Variants in LRRC27 observed in about 807,000 individuals in gnomAD.
LRRC27 encodes leucine-rich repeat-containing protein 27.
Under a neutral mutation model 55.0 loss-of-function variants are expected in LRRC27, and 57 were observed. That is an observed-to-expected ratio of 1.04 (90% CI 0.84 to 1.29). The LOEUF is 1.29. Ranked by LOEUF, LRRC27 falls within the 50% of genes most tolerant of loss-of-function variation. LRRC27 has a pLI of 0.00. For missense variants in LRRC27, 721 were observed against 651.5 expected (o/e 1.11, Z -1.16); for synonymous variants, 278 against 251.9 (o/e 1.10, Z -0.98).
intron 10 of LRRC27, among the ~76,000 whole-genome samples, chr10:132,369,362 C>T (rs533343398): frequency 4.6e-5 from 7 of 152,234 alleles, no homozygotes; most frequent in African/African-American, 1.7e-4. Context: ...TTGGAAGCAC[C>T]CAAGGTGTCC....
intron 4 of LRRC27, among the ~76,000 whole-genome samples, chr10:132,344,173 G>A (rs2067559796): frequency 6.6e-6 from 1 of 152,108 alleles, no homozygotes; most frequent in Admixed American, 6.5e-5. Flanking sequence ...ATGTCTGGTA[G>A]TTTTTATGTG....
rs151044969 is a variant in LRRC27, at chr10:132,338,898, C to T, written c.341+1203C>T. 5.6e-3 allele frequency among the ~76,000 whole-genome samples: 850 copies of T among 152,040 alleles called. 9 individuals carry two copies. The highest frequency in any genetic ancestry group is 0.014 in the Middle Eastern group (4 of 294). ...CTAATTTTTGCATTTTTAGTAGAAA[C>T]GGGGTTTTGCCATGTTGGACAGGCT... is the stretch of plus-strand genomic sequence containing the variant. On this transcript the variant is annotated intron_variant, in intron 3 of 10. Coordinates refer to ENST00000368614, the MANE Select transcript of LRRC27 (RefSeq NM_030626.3).
In LRRC27 at chr10:132,372,171, AAACC is replaced by A. The variant is rs1316521115; in HGVS notation, c.1417-2889_1417-2886del. On this transcript the variant is annotated intron_variant, in intron 10 of 10. Coordinates refer to ENST00000368614, the MANE Select transcript of LRRC27 (RefSeq NM_030626.3). This position sits in a 1 kb window ranked among gnomAD's most constrained non-coding sequence, Gnocchi z 4.0. ...CCCAGTTGAAAAGCACAGGAAGACAAAACCAACCACAGAAGGATGGGAAGTGGGG... is the reference window on the plus strand; with the variant it reads ...CCCAGTTGAAAAGCACAGGAAGACAAAACCACAGAAGGATGGGAAGTGGGG... Among the ~76,000 whole-genome samples, 4 of 145,916 alleles carry A rather than the reference AAACC, an allele frequency of 2.7e-5. No individual in the cohort carries two copies. The highest frequency in any genetic ancestry group is 7.8e-5 in the African/African-American group (3 of 38,420).
At chr10:132,340,674 T>G (rs1360776044) in intron 3 of LRRC27, among the ~76,000 whole-genome samples, 2 of 152,064 alleles carry the variant, frequency 1.3e-5, no homozygotes, top group Non-Finnish European at 2.9e-5. Flanking sequence ...CCTTAAAAAC[T>G]TCAAATAATG....
At chr10:132,331,739 C>T, upstream of LRRC27, 1 of 1,612,112 alleles carries the variant, frequency 6.2e-7, no homozygotes, top group Non-Finnish European at 8.5e-7. Context: ...CTTAGCATCC[C>T]GCTCTCTTCC....
rs907342428 is a variant in LRRC27, at chr10:132,372,197, G to A, written c.1417-2869G>A. Among the ~76,000 whole-genome samples, 6 of 151,412 alleles carry A rather than the reference G, an allele frequency of 4.0e-5. No individual in the cohort carries two copies. Among genetic ancestry groups the A allele is most frequent in the Admixed American group, 3.3e-4 (5 of 15,234 alleles). ...AACCAACCACAGAAGGATGGGAAGT[G>A]GGGGTCGGGGTGCGGTGGCTCACGC... On this transcript the variant is annotated intron_variant, in intron 10 of 10. Coordinates refer to ENST00000368614, the MANE Select transcript of LRRC27 (RefSeq NM_030626.3). The surrounding 1 kb of genome is among the most constrained non-coding windows in gnomAD (Gnocchi z 4.0).
intron 1 of LRRC27, among the ~76,000 whole-genome samples, 153 bp from the exon 2 acceptor site, chr10:132,333,324 T>G (rs1187363909): frequency 6.6e-6 from 1 of 152,136 alleles, no homozygotes; most frequent in African/African-American, 2.4e-5. Flanking sequence ...CTTTTTTTTT[T>G]TTTTACATGT....
chr10:132,346,357 A>C (rs1483185903), intron 5 of LRRC27, among the ~76,000 whole-genome samples: 1 of 152,164 alleles, frequency 6.6e-6, no homozygotes, highest in Non-Finnish European at 1.5e-5. Context: ...GTATATTTTT[A>C]GTACTTTGTC....
chr10:132,363,632 C>T (rs1387599030), intron 9 of LRRC27, among the ~76,000 whole-genome samples: 1 of 152,198 alleles, frequency 6.6e-6, no homozygotes, highest in Non-Finnish European at 1.5e-5. Flanking sequence ...CTCGCTGTGG[C>T]TCTCACTGAA....
Position 132,355,827 on chromosome 10 carries a change from C to A in LRRC27, c.1111C>A (p.Gln371Lys). 1 of 1,558,188 alleles carries A rather than the reference C, an allele frequency of 6.4e-7. No individual in the cohort carries two copies. The highest frequency in any genetic ancestry group is 8.7e-7 in the Non-Finnish European group (1 of 1,150,772). ...ACTGCAGGAGTGGAGAGAGCGAGCC[C>A]AGAGGATGAGGAAGAGGAAGGAAGA... Reference protein sequence around the residue: ...RALQEWRERAQRMRKRKEELS... With the variant: ...RALQEWRERAKRMRKRKEELS... Residue 371 changes from glutamine (Q) to lysine (K), a missense_variant, in exon 8 of 11, where the codon CAG (glutamine) becomes AAG (lysine). Transcript: ENST00000368614.
At chr10:132,342,172 A>G in intron 3 of LRRC27, 41 bp from the exon 4 acceptor site, 4 of 1,311,572 alleles carry the variant, frequency 3.0e-6, no homozygotes, top group Non-Finnish European at 4.2e-6. Flanking sequence ...AGTCAATTAA[A>G]TCTTGCTTTT....
chr10:132,356,140 C>T (rs1209191341), intron 8 of LRRC27, among the ~76,000 whole-genome samples: 1 of 152,218 alleles, frequency 6.6e-6, no homozygotes, highest in Non-Finnish European at 1.5e-5. Flanking sequence ...GGACAGCTTC[C>T]CACCCCAGCC....
chr10:132,363,962 AC>A (rs1362466386), intron 9 of LRRC27, among the ~76,000 whole-genome samples: 1 of 151,832 alleles, frequency 6.6e-6, no homozygotes, highest in Admixed American at 6.6e-5. Context: ...TTAGACTAAA[AC>A]CATTTCGTCT....
chr10:132,341,896 CTG>C (rs2067432419), intron 3 of LRRC27, among the ~76,000 whole-genome samples: 1 of 152,214 alleles, frequency 6.6e-6, no homozygotes, highest in South Asian at 2.1e-4. Flanking sequence ...CTGGAGACAT[CTG>C]TGGTTGTCAC....
At chr10:132,365,693 C>A (rs2069046725) in intron 10 of LRRC27, 143 bp downstream of exon 10, 2 of 1,032,000 alleles carry the variant, frequency 1.9e-6, no homozygotes, top group East Asian at 5.6e-5. Context: ...CCTCCACCTC[C>A]CAGGTTCAAG....
rs774713378 is a variant in LRRC27 at position 132,348,024 on chromosome 10, G to A, written c.594G>A (p.Pro198=). 57 of 1,612,734 alleles carry A rather than the reference G, an allele frequency of 3.5e-5. No individual in the cohort carries two copies. Among genetic ancestry groups the A allele is most frequent in the East Asian group, 2.9e-4 (13 of 44,874 alleles). The change falls in exon 6 of 11, where the codon CCG becomes CCA. Residue 198 remains proline, a synonymous_variant. Transcript: ENST00000368614. The surrounding 1 kb of genome is among the most constrained non-coding windows in gnomAD (Gnocchi z 4.2). The part of the protein sequence containing the change: ...PVREMTLRDL[P]SPGLELSGDH... ...GAGAGATGACCCTCCGTGACCTCCCGAGCCCAGGACTGGAGTTGTCTGGAG... is the reference window on the plus strand; with the variant it reads ...GAGAGATGACCCTCCGTGACCTCCCAAGCCCAGGACTGGAGTTGTCTGGAG...
At chr10:132,331,004 C>T (rs1214527115), upstream of LRRC27, among the ~76,000 whole-genome samples, 4 of 150,900 alleles carry the variant, frequency 2.7e-5, no homozygotes, top group African/African-American at 9.7e-5. Context: ...AGATCGAGAC[C>T]AGCCTGGCCA....
At chr10:132,338,486 C>T (rs923075347) in intron 3 of LRRC27, among the ~76,000 whole-genome samples, 1 of 152,144 alleles carries the variant, frequency 6.6e-6, no homozygotes, top group Admixed American at 6.5e-5. Flanking sequence ...CCAGGAGTTT[C>T]CTTGCATTCC....
chr10:132,333,199 C>T (rs928097675), intron 1 of LRRC27, among the ~76,000 whole-genome samples: 1 of 152,196 alleles, frequency 6.6e-6, no homozygotes, highest in African/African-American at 2.4e-5. Flanking sequence ...GATCTGTTTA[C>T]ATCCCTAAAA....
Sources: allele counts gnomAD v4.1 joint callset (sites outside exome capture counted in the v4.1 genomes callset), GRCh38; gene constraint gnomAD v4.1.1; non-coding constraint Gnocchi (gnomAD v3.1); transcripts MANE v1.5; gene names NCBI Gene and HGNC (gene_info 2026-07-23, HGNC 2026-07-21).